The following RANGAP1 variants were observed in gnomAD, a reference collection of about 807,000 sequenced individuals.
RANGAP1 encodes ran GTPase-activating protein 1.
RANGAP1 carries 38 observed loss-of-function variants against 63.5 expected under a neutral mutation model. That is an observed-to-expected ratio of 0.60 (90% CI 0.46 to 0.78). The LOEUF (loss-of-function observed/expected upper bound fraction) is 0.78, where lower values mean the gene tolerates loss of function less well. Among genes scored for constraint, RANGAP1 ranks in the 30% least tolerant of loss-of-function variants. The pLI is 0.00. For missense variants in RANGAP1, 630 were observed against 740.3 expected (o/e 0.85, Z 1.73); for synonymous variants, 329 against 310.5 (o/e 1.06, Z -0.63).
At chr22:41,268,018 G>T in intron 4 of RANGAP1, 79 bp downstream of exon 4, 1 of 1,391,622 alleles carries the variant, frequency 7.2e-7, no homozygotes, top group Non-Finnish European at 1.0e-6. Context: ...GCTCCAGAAA[G>T]AATAAAGCAT....
chr22:41,249,644 G>C, intron 14 of RANGAP1, 85 bp downstream of exon 14: 2 of 1,542,250 alleles, frequency 1.3e-6, no homozygotes, highest in Non-Finnish European at 1.8e-6. Flanking sequence ...CTCGAGGTGA[G>C]GGAGGTTGGC....
chr22:41,277,348 G>A lies in RANGAP1; in HGVS notation c.113-2621C>T, dbSNP rs370732630. ...CCGCCTCGGCCTCCCAAACTGCTGG[G>A]ATTACAGGCGTGAGCCACCGCGCCC... On this transcript the variant is annotated intron_variant, in intron 2 of 15. Coordinates refer to ENST00000356244, the MANE Select transcript of RANGAP1 (RefSeq NM_002883.4). The A allele has an allele frequency of 3.5e-3, 2,058 of 584,388 alleles. 19 individuals are homozygous for A. The Middle Eastern group carries it at 0.044, about 12-fold the overall frequency. The allele number at this position is 584,388 out of a possible 1,614,324, so 36.2% of individuals were successfully genotyped here. A position where few individuals can be genotyped will look rare whatever the true frequency, so the allele number is the denominator to read the frequency against.
chr22:41,292,106 T>C, the RANGAP1 span, among the ~76,000 whole-genome samples: 2 of 151,442 alleles, frequency 1.3e-5, no homozygotes, highest in Non-Finnish European at 2.9e-5. Flanking sequence ...CTGGCTAATT[T>C]TTGTATTTTC....
At chr22:41,272,807 C>T (rs1292299614) in intron 3 of RANGAP1, among the ~76,000 whole-genome samples, 1 of 151,862 alleles carries the variant, frequency 6.6e-6, no homozygotes, top group Non-Finnish European at 1.5e-5. Flanking sequence ...ACCCACCAGG[C>T]CCGGCTTTTT....
chr22:41,276,193 G>C (rs1203600264), intron 2 of RANGAP1, among the ~76,000 whole-genome samples: 1 of 152,182 alleles, frequency 6.6e-6, no homozygotes, highest in Non-Finnish European at 1.5e-5. Context: ...ATAAAACAAG[G>C]TCTAGAAACA....
At position 41,274,632 on chromosome 22, in the gene RANGAP1, C is replaced by T; in HGVS notation, c.208G>A (p.Ala70Thr). Residue 70 changes from alanine to threonine, a missense_variant, in exon 3 of 16, where the codon GCC becomes ACC. Coordinates refer to ENST00000356244, the MANE Select transcript of RANGAP1 (RefSeq NM_002883.4). Reference protein sequence around the residue: ...TVGVEAARVIAKALEKKSELK... With the variant: ...TVGVEAARVITKALEKKSELK... Reference sequence around the variant, plus strand: ...TCCGACTTCTTCTCTAAGGCCTTGGCGATGACCCTGGCTGCTTCCACGCCC... The same window carrying T: ...TCCGACTTCTTCTCTAAGGCCTTGGTGATGACCCTGGCTGCTTCCACGCCC... 1.9e-6 allele frequency: 3 copies of T among 1,614,156 alleles called. No homozygotes were observed. The highest frequency in any genetic ancestry group is 1.7e-6 in the Non-Finnish European group (2 of 1,180,008).
rs2032994597 is a variant in RANGAP1 at position 41,245,875 on chromosome 22, G to C, written c.*728C>G. The C allele has an allele frequency of 6.5e-6, 1 of 152,676 alleles. No homozygotes were observed. Among genetic ancestry groups the C allele is most frequent in the African/African-American group, 2.4e-5 (1 of 41,454 alleles). The allele number at this position is 152,676 out of a possible 1,614,324, so 9.5% of individuals were successfully genotyped here. A position where few individuals can be genotyped will look rare whatever the true frequency, so the allele number is the denominator to read the frequency against. On this transcript the variant is annotated 3_prime_UTR_variant, in exon 16 of 16. Transcript: ENST00000356244. ...CAACACTCCCCCTCCAGCCAGGCCA[G>C]TCACAGACGACATCTCAGCAGCCAG...
At chr22:41,301,233 G>T in the RANGAP1 span, among the ~76,000 whole-genome samples, 1 of 152,222 alleles carries the variant, frequency 6.6e-6, no homozygotes, top group Non-Finnish European at 1.5e-5. Context: ...GCCGGAGAAG[G>T]GGGGCGGGGG....
At chr22:41,294,949 C>T in the RANGAP1 span, among the ~76,000 whole-genome samples, 13 of 122,622 alleles carry the variant, frequency 1.1e-4, no homozygotes, top group Non-Finnish European at 2.2e-4. Flanking sequence ...GCCCCCCGCC[C>T]GGCCAGCCGC....
In RANGAP1 at chr22:41,246,277, C is replaced by A. The variant is rs73428601; in HGVS notation, c.*326G>T. The stretch of plus-strand genomic sequence containing the variant: ...GTGGGGACGGCCATCAGGGCCCAGG[C>A]GGAGATCAGCAGAGCGCCCTCAGGT... On this transcript the variant is annotated 3_prime_UTR_variant, in exon 16 of 16. Coordinates refer to ENST00000356244, the MANE Select transcript of RANGAP1 (RefSeq NM_002883.4). 1.8e-5 allele frequency: 4 copies of A among 217,146 alleles called. No homozygotes were observed. The South Asian group carries it at 2.4e-4, about 13-fold the overall frequency. 13.5% of individuals were successfully genotyped at this position (217,146 alleles called of 1,614,324 possible). A position where few individuals can be genotyped will look rare whatever the true frequency, so the allele number is the denominator to read the frequency against.
intron 1 of RANGAP1, chr22:41,285,703 G>C (rs1601736073): frequency 1.3e-5 from 13 of 984,194 alleles, no homozygotes; most frequent in African/African-American, 1.7e-5. Context: ...ACCGCCTCCG[G>C]TTGACAACAA....
In RANGAP1 at chr22:41,256,734, G is replaced by C. The variant is rs771897708; in HGVS notation, c.865C>G (p.Arg289Gly). ...ACCTTTAGCTTGGGCAGGCCGCCGCGGATGGCATCTGCAATGGCAACTGCA... is the reference window on the plus strand; with the variant it reads ...ACCTTTAGCTTGGGCAGGCCGCCGCCGATGGCATCTGCAATGGCAACTGCA... The part of the protein sequence containing the change: ...KGAVAIADAI[R>G]GGLPKLKELN... The change falls in exon 8 of 16, where the codon CGC becomes GGC. Residue 289 changes from arginine (R) to glycine (G), a missense_variant. Coordinates refer to ENST00000356244, the MANE Select transcript of RANGAP1 (RefSeq NM_002883.4). The C allele has an allele frequency of 8.7e-6, 14 of 1,613,974 alleles. No homozygotes were observed. Among genetic ancestry groups the C allele is most frequent in the Non-Finnish European group, 1.1e-5 (13 of 1,179,998 alleles).
At chr22:41,249,929 C>A in intron 13 of RANGAP1, 112 bp from the exon 14 acceptor site, 3 of 916,836 alleles carry the variant, frequency 3.3e-6, no homozygotes, top group Non-Finnish European at 5.2e-6. Flanking sequence ...CCTCCTCGCC[C>A]TGACGAAGAG....
intron 4 of RANGAP1, among the ~76,000 whole-genome samples, chr22:41,267,693 A>G (rs886981483): frequency 6.6e-6 from 1 of 152,216 alleles, no homozygotes. Context: ...AGCCAGAGAA[A>G]GATGGGGACG....
intron 8 of RANGAP1, 104 bp downstream of exon 8, chr22:41,256,607 A>T: frequency 1.0e-6 from 1 of 957,592 alleles, no homozygotes; most frequent in Non-Finnish European, 1.6e-6. Flanking sequence ...AGGAGCTGGG[A>T]TATGGACACA....
At chr22:41,259,436 A>G (rs547746035) in intron 6 of RANGAP1, among the ~76,000 whole-genome samples, 11 of 152,338 alleles carry the variant, frequency 7.2e-5, no homozygotes, top group East Asian at 5.8e-4. Context: ...TGTTTTTTTA[A>G]AATTTTAAGA....
the RANGAP1 span, among the ~76,000 whole-genome samples, chr22:41,294,305 C>T: frequency 1.3e-5 from 2 of 152,234 alleles, no homozygotes; most frequent in African/African-American, 2.4e-5. Context: ...GCACCAGCCT[C>T]GGCCTCCCGA....
chr22:41,254,338 G>C lies in RANGAP1; in HGVS notation c.1230C>G (p.Pro410=). ...QRGQGEKSAT[P]SRKILDPNTG... is the part of the protein sequence containing the mutation. The stretch of plus-strand genomic sequence containing the variant: ...TGTTAGGGTCCAGAATCTTCCGTGA[G>C]GGCGTGGCTGACTTCTCTCCCTGCC... Residue 410 remains proline, a synonymous_variant, in exon 11 of 16, where the codon CCC becomes CCG. Transcript: ENST00000356244. The C allele has an allele frequency of 1.9e-6, 3 of 1,614,080 alleles. No individual in the cohort carries two copies. The highest frequency in any genetic ancestry group is 2.5e-6 in the Non-Finnish European group (3 of 1,180,014).
At chr22:41,249,503 G>T (rs201165722) in intron 14 of RANGAP1, 52 bp from the exon 15 acceptor site, 1 of 1,121,524 alleles carries the variant, frequency 8.9e-7, no homozygotes, top group Admixed American at 1.9e-5. Flanking sequence ...ACCTGGGGGG[G>T]CCCCTGGACT....
Sources: allele counts gnomAD v4.1 joint callset (sites outside exome capture counted in the v4.1 genomes callset), GRCh38; gene constraint gnomAD v4.1.1; transcripts MANE v1.5; gene names NCBI Gene and HGNC (gene_info 2026-07-23, HGNC 2026-07-21).